SOS1: variants seen among roughly 807,000 people sequenced by gnomAD.
SOS1 encodes the protein son of sevenless homolog 1.
Under a neutral mutation model 157.6 loss-of-function variants are expected in SOS1, and 25 were observed. The observed-to-expected ratio is 0.16, with a 90% CI of 0.12 to 0.22. The LOEUF is 0.22. Among genes scored for constraint, SOS1 ranks in the 10% least tolerant of loss-of-function variants. The pLI, the probability that SOS1 is intolerant of heterozygous loss-of-function variation, is 1.00. For synonymous variants in SOS1, 528 were observed against 534.0 expected (o/e 0.99, Z 0.16); for missense variants, 1,237 against 1,599.1 (o/e 0.77, Z 3.86).
chr2:38,991,537 T>G (rs1420806901), intron 20 of SOS1, among the ~76,000 whole-genome samples: 2 of 152,204 alleles, frequency 1.3e-5, no homozygotes, highest in East Asian at 3.8e-4. Flanking sequence ...CAGTGGTCTT[T>G]TCTCTTTTCT....
intron 13 of SOS1, 33 bp downstream of exon 13, chr2:39,013,427 T>C (rs748689203): frequency 1.6e-6 from 2 of 1,214,008 alleles, no homozygotes; most frequent in East Asian, 2.3e-5. Flanking sequence ...TTTTATTACA[T>C]ATAAAACTAG....
At chr2:39,014,334 T>C (rs2124519344) in intron 11 of SOS1, among the ~76,000 whole-genome samples, 1 of 152,084 alleles carries the variant, frequency 6.6e-6, no homozygotes, top group South Asian at 2.1e-4. Flanking sequence ...ACATAATCAC[T>C]GTTAAGGGTA....
rs550823339 is a variant in SOS1 at position 39,107,643 on chromosome 2, T to C, written c.87+12693A>G. Among the ~76,000 whole-genome samples the C allele has an allele frequency of 9.4e-5, 14 of 148,350 alleles. No homozygotes were observed. The East Asian group carries it at 2.7e-3, about 29-fold the overall frequency. On this transcript the variant is annotated intron_variant, in intron 1 of 22. Transcript: ENST00000402219. ...ACTAATACAATGACAAAGGCTCCCC[T>C]TGAAGCATCACACTAAAAAGAAAAA...
chr2:39,054,243 A>C (rs1671129433), intron 5 of SOS1, among the ~76,000 whole-genome samples: 1 of 152,162 alleles, frequency 6.6e-6, no homozygotes. Context: ...TTTCTTATTC[A>C]TCTTTGAATC....
rs559884033 is a variant in SOS1 at position 39,100,092 on chromosome 2, C to A, written c.87+20244G>T. Among the ~76,000 whole-genome samples the A allele has an allele frequency of 3.3e-3, 500 of 152,276 alleles. 1 individual carries two copies. Among genetic ancestry groups the A allele is most frequent in the Middle Eastern group, 0.01 (3 of 294 alleles). On this transcript the variant is annotated intron_variant, in intron 1 of 22. Transcript: ENST00000402219. ...AAAGGTACTCAACATCATTAATCAT[C>A]AGAGAAATGCAAATCAAAACCACAA...
chr2:39,073,629 T>G (rs1671863006), intron 1 of SOS1, among the ~76,000 whole-genome samples: 2 of 152,220 alleles, frequency 1.3e-5, no homozygotes, highest in South Asian at 4.1e-4. Flanking sequence ...CAGCAGATTC[T>G]GAAGCAACTT....
chr2:39,013,793 A>G (rs988366111), intron 12 of SOS1, 74 bp downstream of exon 12: 13 of 1,287,330 alleles, frequency 1.0e-5, no homozygotes, highest in Non-Finnish European at 1.2e-5. Flanking sequence ...TTGTTTGGGA[A>G]AGGTCCTTAT....
intron 10 of SOS1, among the ~76,000 whole-genome samples, chr2:39,021,721 A>C (rs759343807): frequency 6.6e-6 from 1 of 151,626 alleles, no homozygotes; most frequent in African/African-American, 2.4e-5. Flanking sequence ...AAAATGTGGC[A>C]AGAAGGGCAA....
intron 14 of SOS1, among the ~76,000 whole-genome samples, chr2:39,010,940 G>A (rs1214059688): frequency 7.4e-6 from 1 of 135,084 alleles, no homozygotes; most frequent in African/African-American, 2.7e-5. Flanking sequence ...TTGTTGTGCA[G>A]GCTGGAGTAC....
intron 1 of SOS1, among the ~76,000 whole-genome samples, chr2:39,081,040 A>T (rs1458893248): frequency 6.6e-6 from 1 of 151,890 alleles, no homozygotes; most frequent in Non-Finnish European, 1.5e-5. Context: ...AAATAATAAA[A>T]AAATTAGCTG....
At chr2:39,119,800 C>G (rs961627334) in intron 1 of SOS1, among the ~76,000 whole-genome samples, 3 of 152,188 alleles carry the variant, frequency 2.0e-5, no homozygotes, top group Admixed American at 2.0e-4. Context: ...GCACCAGCCC[C>G]TGTTAATCGG....
chr2:39,010,419 C>T lies in SOS1; in HGVS notation c.2510+165G>A, dbSNP rs545963874. Among the ~76,000 whole-genome samples the T allele has an allele frequency of 4.0e-5, 6 of 151,634 alleles. No homozygotes were observed. In the East Asian group the frequency reaches 7.7e-4, roughly 20 times the overall value. On this transcript the variant is annotated intron_variant, in intron 15 of 22. Transcript: ENST00000402219. ...ACTCTGGAGGCTGAGGTGGGAGGATCGCTTGAGCCTGGGAGGTGGAGGTTT... is the reference window on the plus strand; with the variant it reads ...ACTCTGGAGGCTGAGGTGGGAGGATTGCTTGAGCCTGGGAGGTGGAGGTTT...
chr2:39,123,015 T>C (rs1289803312), upstream of SOS1, among the ~76,000 whole-genome samples: 1 of 152,172 alleles, frequency 6.6e-6, no homozygotes, highest in Admixed American at 6.5e-5. Context: ...ATCTGGCTCC[T>C]GCTCACATTC....
intron 1 of SOS1, among the ~76,000 whole-genome samples, chr2:39,091,362 T>C (rs777542431): frequency 1.3e-5 from 2 of 152,166 alleles, no homozygotes; most frequent in Non-Finnish European, 2.9e-5. Flanking sequence ...TATGAATAAG[T>C]GAATGAAATT....
chr2:38,989,849 A>T (rs1013925037), intron 20 of SOS1, among the ~76,000 whole-genome samples: 13 of 152,048 alleles, frequency 8.5e-5, no homozygotes, highest in Middle Eastern at 3.4e-3. Flanking sequence ...AGTCATAAAC[A>T]TTTTTTTTAA....
intron 11 of SOS1, among the ~76,000 whole-genome samples, chr2:39,014,296 G>C (rs893470148): frequency 6.6e-6 from 1 of 151,950 alleles, no homozygotes; most frequent in African/African-American, 2.4e-5. Context: ...ATTCATTTTT[G>C]GTCTGTGGAA....
chr2:39,083,308 T>A (rs1672271510), intron 1 of SOS1, among the ~76,000 whole-genome samples: 1 of 151,856 alleles, frequency 6.6e-6, no homozygotes, highest in South Asian at 2.1e-4. Context: ...AGCACCTACA[T>A]CCAAGCAGCA....
At chr2:39,065,627 C>G (rs754609171) in intron 2 of SOS1, among the ~76,000 whole-genome samples, 3 of 152,164 alleles carry the variant, frequency 2.0e-5, no homozygotes, top group Non-Finnish European at 4.4e-5. Flanking sequence ...CCTTTTCTCT[C>G]CATGTTTTTC....
intron 1 of SOS1, among the ~76,000 whole-genome samples, chr2:39,081,087 C>T (rs1672186669): frequency 6.6e-6 from 1 of 151,924 alleles, no homozygotes. Flanking sequence ...AAGCTGACCC[C>T]AGGAGTTCAA....
Sources: gnomAD v4.1 joint callset for allele counts (sites outside exome capture counted in the v4.1 genomes callset) on GRCh38, gnomAD v4.1.1 for gene constraint, MANE v1.5 for transcripts, NCBI Gene and HGNC (gene_info 2026-07-23, HGNC 2026-07-21) for gene names.